The following SMARCC1 variants were observed in gnomAD, a reference collection of about 807,000 sequenced individuals.
SMARCC1 encodes SWI/SNF complex subunit SMARCC1.
In SMARCC1, 43 loss-of-function variants were observed where a neutral mutation model predicts 147.4. The ratio of observed to expected loss-of-function variants is 0.29; its 90% confidence interval spans 0.23 to 0.38. SMARCC1 has a LOEUF of 0.38. Among genes scored for constraint, SMARCC1 ranks in the 10% least tolerant of loss-of-function variants. SMARCC1 has a pLI of 1.00. For missense variants in SMARCC1, 1,119 were observed against 1,381.1 expected, an observed-to-expected ratio of 0.81 and a Z score of 3.01; for synonymous variants, 495 against 484.4, an observed-to-expected ratio of 1.02 and a Z score of -0.29.
At chr3:47,594,490 C>T (rs998958570) in intron 26 of SMARCC1, among the ~76,000 whole-genome samples, 2 of 152,102 alleles carry the variant, frequency 1.3e-5, no homozygotes, top group Non-Finnish European at 2.9e-5. Flanking sequence ...CAGAAATAGG[C>T]AGTGTTGAAG....
At chr3:47,648,217 AC>A (rs1450484332) in intron 21 of SMARCC1, among the ~76,000 whole-genome samples, 1 of 151,640 alleles carries the variant, frequency 6.6e-6, no homozygotes, top group Admixed American at 6.6e-5. Flanking sequence ...CTGGTCTCGA[AC>A]CCCTGACTTG....
In SMARCC1 at chr3:47,633,779, TACACACACACACACACACACAC is replaced by T. The variant is rs149363143; in HGVS notation, c.2646+1389_2646+1410del. On this transcript the variant is annotated intron_variant, in intron 24 of 27. Transcript: ENST00000254480. Reference sequence around the variant, plus strand: ...AAAAAAAAAAATATATATATATATATACACACACACACACACACACACACACACACACACACACATATATATA... The same window carrying T: ...AAAAAAAAAAATATATATATATATATACACACACACACACACATATATATA... 5.2e-4 allele frequency among the ~76,000 whole-genome samples: 15 copies of T among 28,876 alleles called. 2 individuals carry two copies. Among genetic ancestry groups the T allele is most frequent in the East Asian group, 1.5e-3 (1 of 648 alleles). 18.9% of individuals were successfully genotyped at this position (28,876 alleles called of 152,430 possible). A position where few individuals can be genotyped will look rare whatever the true frequency, so the allele number is the denominator to read the frequency against.
chr3:47,671,282 T>C (rs897833502), intron 18 of SMARCC1, among the ~76,000 whole-genome samples: 1 of 151,978 alleles, frequency 6.6e-6, no homozygotes, highest in Non-Finnish European at 1.5e-5. Flanking sequence ...TTCTATTATT[T>C]TGATACTTAA....
chr3:47,610,675 C>CT (rs1444630784), intron 25 of SMARCC1: 1 of 274,460 alleles, frequency 3.6e-6, no homozygotes, highest in Non-Finnish European at 7.1e-6. Flanking sequence ...CTATGGCTGT[C>CT]TGAGTCTTCC....
intron 2 of SMARCC1, among the ~76,000 whole-genome samples, chr3:47,747,033 C>T (rs892093597): frequency 1.3e-5 from 2 of 151,942 alleles, no homozygotes; most frequent in African/African-American, 4.8e-5. Context: ...CCTGGCTACA[C>T]ACCAGTAATT....
intron 9 of SMARCC1, among the ~76,000 whole-genome samples, chr3:47,708,083 CT>C (rs915291740): frequency 1.4e-3 from 92 of 64,278 alleles, no homozygotes; most frequent in African/African-American, 5.6e-3. Flanking sequence ...AATTTTTTTT[CT>C]TTTTTTTTTT....
rs2032073049 is a variant in SMARCC1, at chr3:47,586,456, C to T, written c.*1753G>A. ...ATTCTCATTTCCACTCCCAAGAGTC[C>T]AGAACAAAAACAAAAGGACCAAGGT... On this transcript the variant is annotated 3_prime_UTR_variant, in exon 28 of 28. Coordinates refer to ENST00000254480, the MANE Select transcript of SMARCC1 (RefSeq NM_003074.4). 6.6e-6 allele frequency: 1 copy of T among 152,454 alleles called. No homozygotes were observed. Among genetic ancestry groups the T allele is most frequent in the Non-Finnish European group, 1.5e-5 (1 of 68,038 alleles). The allele number at this position is 152,454 out of a possible 1,614,324, so 9.4% of individuals were successfully genotyped here.
At chr3:47,690,799 C>T (rs904794941) in intron 12 of SMARCC1, among the ~76,000 whole-genome samples, 1 of 152,198 alleles carries the variant, frequency 6.6e-6, no homozygotes, top group African/African-American at 2.4e-5. Context: ...GAGTTAGTCA[C>T]AAATACTTGC....
At chr3:47,757,542 C>T (rs1027465751) in intron 2 of SMARCC1, among the ~76,000 whole-genome samples, 2 of 151,926 alleles carry the variant, frequency 1.3e-5, no homozygotes, top group African/African-American at 4.8e-5. Flanking sequence ...TTTGGGAGGC[C>T]AAGGCAGGTG....
At chr3:47,588,574 C>T (rs973954962) in intron 27 of SMARCC1, among the ~76,000 whole-genome samples, 2 of 152,048 alleles carry the variant, frequency 1.3e-5, no homozygotes, top group African/African-American at 2.4e-5. Context: ...CCAACTCCTT[C>T]CAAGAATCGC....
chr3:47,680,399 C>T (rs1375373407), intron 15 of SMARCC1, 38 bp downstream of exon 15: 1 of 1,439,206 alleles, frequency 6.9e-7, no homozygotes. Context: ...CTACCGCACA[C>T]AGGCAAATAA....
intron 1 of SMARCC1, 72 bp from the exon 2 acceptor site, chr3:47,773,008 T>G: frequency 7.0e-7 from 1 of 1,426,158 alleles, no homozygotes; most frequent in Non-Finnish European, 9.8e-7. Context: ...TACTTCCTAG[T>G]ACCTACTAAG....
chr3:47,602,932 G>C (rs1188561499), intron 26 of SMARCC1, among the ~76,000 whole-genome samples: 2 of 151,666 alleles, frequency 1.3e-5, no homozygotes, highest in Middle Eastern at 3.5e-3. Flanking sequence ...AGAGGATCGC[G>C]TGAGCTCAAG....
At chr3:47,679,101 G>A (rs1181622973) in intron 15 of SMARCC1, among the ~76,000 whole-genome samples, 2 of 151,726 alleles carry the variant, frequency 1.3e-5, no homozygotes, top group African/African-American at 4.8e-5. Flanking sequence ...CAACAAGAGT[G>A]TTAAGGACTT....
chr3:47,619,108 G>A (rs932338948), intron 25 of SMARCC1, among the ~76,000 whole-genome samples: 2 of 152,162 alleles, frequency 1.3e-5, no homozygotes, highest in African/African-American at 4.8e-5. Context: ...CCTGTAGGAC[G>A]TTTTCTCTGA....
At chr3:47,663,120 A>G (rs1193236941) in intron 19 of SMARCC1, among the ~76,000 whole-genome samples, 3 of 100,884 alleles carry the variant, frequency 3.0e-5, no homozygotes, top group Non-Finnish European at 6.1e-5. Context: ...GAGGGAGGGA[A>G]GGAAGGGAGG....
At chr3:47,761,953 T>C (rs970587737) in intron 2 of SMARCC1, among the ~76,000 whole-genome samples, 5 of 152,226 alleles carry the variant, frequency 3.3e-5, no homozygotes, top group African/African-American at 1.2e-4. Flanking sequence ...GGATTTTTTT[T>C]GTATTTTTAG....
intron 9 of SMARCC1, among the ~76,000 whole-genome samples, chr3:47,710,042 T>C (rs772305371): frequency 1.3e-5 from 2 of 151,852 alleles, no homozygotes; most frequent in East Asian, 1.9e-4. Flanking sequence ...ACAGGTCGGG[T>C]GTGGTGGCTC....
chr3:47,762,127 A>G (rs2034780782), intron 2 of SMARCC1, among the ~76,000 whole-genome samples: 1 of 152,210 alleles, frequency 6.6e-6, no homozygotes, highest in Non-Finnish European at 1.5e-5. Flanking sequence ...AGAAACTCAG[A>G]GAGAGGACTA....
Sources: gnomAD v4.1 joint callset for allele counts (sites outside exome capture counted in the v4.1 genomes callset) on GRCh38, gnomAD v4.1.1 for gene constraint, MANE v1.5 for transcripts, NCBI Gene and HGNC (gene_info 2026-07-23, HGNC 2026-07-21) for gene names.